The following TRAK1 variants were observed in gnomAD, a reference collection of about 807,000 sequenced individuals.
TRAK1 encodes trafficking kinesin-binding protein 1.
A neutral mutation model predicts 92.1 loss-of-function variants in TRAK1; 33 were observed. The observed-to-expected ratio is 0.36, with a 90% CI of 0.27 to 0.48. The LOEUF is 0.48. Ranked by LOEUF, TRAK1 falls within the 20% of genes least tolerant of loss-of-function variation. TRAK1 has a pLI of 0.99. For synonymous variants in TRAK1, 521 were observed against 517.3 expected (o/e 1.01, Z -0.10); for missense variants, 1,123 against 1,257.9 (o/e 0.89, Z 1.62).
intron 4 of TRAK1, 30 bp from the exon 5 acceptor site, chr3:42,188,015 G>A (rs1194324764): frequency 1.2e-6 from 2 of 1,601,094 alleles, no homozygotes; most frequent in Admixed American, 1.7e-5. Flanking sequence ...CTTTTGGGAA[G>A]CAAATGATGG....
chr3:42,207,521 T>C (rs938924582), intron 13 of TRAK1, among the ~76,000 whole-genome samples: 2 of 152,186 alleles, frequency 1.3e-5, no homozygotes, highest in Non-Finnish European at 2.9e-5. Context: ...TTTGGAAAGT[T>C]ATCTAACTTC....
At chr3:42,100,294 G>T (rs1373174187) in intron 1 of TRAK1, among the ~76,000 whole-genome samples, 1 of 152,152 alleles carries the variant, frequency 6.6e-6, no homozygotes, top group African/African-American at 2.4e-5. Flanking sequence ...TTGAGCCCAG[G>T]GTGTAGAGGC....
chr3:42,194,674 A>G (rs1463474631), intron 9 of TRAK1, 130 bp from the exon 10 acceptor site: 48 of 1,078,316 alleles, frequency 4.5e-5, no homozygotes, highest in Non-Finnish European at 5.7e-5. Context: ...CCACAGGCGC[A>G]CAGGGCAGCT....
In TRAK1 at chr3:42,173,651, G is replaced by A. The variant is rs115398368; in HGVS notation, c.287-3163G>A. Among the ~76,000 whole-genome samples, 833 of 152,186 alleles carry A rather than the reference G, an allele frequency of 5.5e-3. 14 individuals carry two copies. The highest frequency in any genetic ancestry group is 0.019 in the African/African-American group (795 of 41,524). On this transcript the variant is annotated intron_variant, in intron 2 of 15. Coordinates refer to ENST00000327628, the MANE Select transcript of TRAK1 (RefSeq NM_001042646.3). ...GCTCTCGTGTCCTTTATGGTCTTCC[G>A]TTTTAGTACAGGAGCCAGACTGGCC...
chr3:42,064,239 G>A (rs1001114325), intron 1 of TRAK1, among the ~76,000 whole-genome samples: 2 of 152,152 alleles, frequency 1.3e-5, no homozygotes, highest in Non-Finnish European at 2.9e-5. Flanking sequence ...CTAGGTGGGT[G>A]GATCCCTTGA....
chr3:42,183,075 C>A (rs1704236387), intron 3 of TRAK1, among the ~76,000 whole-genome samples: 1 of 152,096 alleles, frequency 6.6e-6, no homozygotes, highest in Non-Finnish European at 1.5e-5. Flanking sequence ...AGGTTGTGAC[C>A]CAGTACTCAT....
intron 1 of TRAK1, among the ~76,000 whole-genome samples, chr3:42,094,106 T>G (rs963283583): frequency 4.6e-5 from 7 of 152,114 alleles, no homozygotes; most frequent in Non-Finnish European, 1.0e-4. Context: ...AAAATGGCAG[T>G]TTTTGGCAGA....
intron 2 of TRAK1, among the ~76,000 whole-genome samples, chr3:42,174,647 G>GTA (rs138493698): frequency 0.11 from 15,974 of 146,580 alleles, 1,227 homozygotes; most frequent in African/African-American, 0.22. Context: ...ATTTTTGTGT[G>GTA]TATATATATA....
At chr3:42,059,800 C>T (rs1321486582) in intron 1 of TRAK1, among the ~76,000 whole-genome samples, 2 of 152,154 alleles carry the variant, frequency 1.3e-5, no homozygotes, top group African/African-American at 2.4e-5. Context: ...CTGGCTTCAC[C>T]GTTTGCTTGT....
chr3:42,167,500 T>C (rs1702017364), intron 2 of TRAK1, among the ~76,000 whole-genome samples: 1 of 152,256 alleles, frequency 6.6e-6, no homozygotes, highest in African/African-American at 2.4e-5. Flanking sequence ...CATTGTTTTC[T>C]ATTACCAAGT....
At chr3:42,082,981 G>A (rs1478035439), upstream of TRAK1, among the ~76,000 whole-genome samples, 6 of 152,120 alleles carry the variant, frequency 3.9e-5, no homozygotes, top group African/African-American at 1.4e-4. Flanking sequence ...TTAATGACTC[G>A]ATCCTCTGTT....
intron 1 of TRAK1, among the ~76,000 whole-genome samples, chr3:42,023,602 A>G (rs1413133602): frequency 6.6e-6 from 1 of 151,796 alleles, no homozygotes; most frequent in Non-Finnish European, 1.5e-5. Flanking sequence ...GTTGTTGAAG[A>G]GATAGTGGTA....
At chr3:42,045,930 T>A (rs1319861720) in intron 1 of TRAK1, among the ~76,000 whole-genome samples, 1 of 152,252 alleles carries the variant, frequency 6.6e-6, no homozygotes, top group Non-Finnish European at 1.5e-5. Context: ...GAATCAGGCC[T>A]ATATTCCAGG....
rs1448415618 is a variant in TRAK1, at chr3:42,189,134, C to T, written c.690+10C>T. 1.2e-6 allele frequency: 2 copies of T among 1,600,366 alleles called. No individual in the cohort carries two copies. Among genetic ancestry groups the T allele is most frequent in the South Asian group, 2.2e-5 (2 of 90,736 alleles). On this transcript the variant is annotated intron_variant, in intron 6 of 15. Transcript: ENST00000327628. ...TGTACTTCGATCCGAGGTGATGTGC[C>T]CTCCCTTCTCTTGCCCCTGCTAGAA...
At chr3:42,042,529 A>C (rs1702588248) in intron 1 of TRAK1, among the ~76,000 whole-genome samples, 1 of 151,318 alleles carries the variant, frequency 6.6e-6, no homozygotes, top group South Asian at 2.1e-4. Flanking sequence ...GCACCACCAT[A>C]CCTGGCTAAT....
intron 1 of TRAK1, among the ~76,000 whole-genome samples, chr3:42,080,592 C>G (rs962172336): frequency 6.6e-6 from 1 of 152,214 alleles, no homozygotes; most frequent in Non-Finnish European, 1.5e-5. Context: ...CCAGGGTTTG[C>G]TGGAGCCAGA....
intron 1 of TRAK1, among the ~76,000 whole-genome samples, chr3:42,031,870 A>G (rs1432010685): frequency 1.3e-5 from 2 of 152,154 alleles, no homozygotes; most frequent in African/African-American, 4.8e-5. Context: ...AGAGTATAAA[A>G]AGATTAAACA....
At chr3:42,144,070 G>A (rs9311300) in intron 2 of TRAK1, among the ~76,000 whole-genome samples, 106,512 of 151,986 alleles carry the variant, frequency 0.7, 37,763 homozygotes, top group East Asian at 0.97. Context: ...TCAATAATGT[G>A]TTGTCACTGT....
chr3:42,222,442 T>G (rs1710449724), intron 15 of TRAK1, among the ~76,000 whole-genome samples: 1 of 152,098 alleles, frequency 6.6e-6, no homozygotes, highest in African/African-American at 2.4e-5. Flanking sequence ...ACCTTACCCT[T>G]CCTAAGATAA....
Sources: gnomAD v4.1 joint callset for allele counts (sites outside exome capture counted in the v4.1 genomes callset) on GRCh38, gnomAD v4.1.1 for gene constraint, MANE v1.5 for transcripts, NCBI Gene and HGNC (gene_info 2026-07-23, HGNC 2026-07-21) for gene names.